Variants in HMGN3 observed in about 807,000 individuals in gnomAD.
HMGN3 encodes the protein high mobility group nucleosomal binding domain 3.
HMGN3 carries 6 observed loss-of-function variants against 18.8 expected under a neutral mutation model. The observed-to-expected ratio is 0.32, with a 90% CI of 0.18 to 0.63. The LOEUF (loss-of-function observed/expected upper bound fraction) is 0.63. Among genes scored for constraint, HMGN3 ranks in the 30% least tolerant of loss-of-function variants. The pLI, the probability that HMGN3 is intolerant of heterozygous loss-of-function variation, is 0.79. For synonymous variants in HMGN3, 40 were observed against 36.5 expected (o/e 1.10, Z -0.35); for missense variants, 107 against 114.2 (o/e 0.94, Z 0.29).
At chr6:79,226,109 G>A (rs185548784) in intron 1 of HMGN3, among the ~76,000 whole-genome samples, 2 of 152,306 alleles carry the variant, frequency 1.3e-5, no homozygotes, top group East Asian at 1.9e-4. Context: ...CAAAATTCCT[G>A]AGTAAAAGAG....
chr6:79,231,223 T>C (rs774407424), intron 1 of HMGN3, among the ~76,000 whole-genome samples: 8 of 152,186 alleles, frequency 5.3e-5, no homozygotes, highest in Non-Finnish European at 1.2e-4. Context: ...GCCAGGACTG[T>C]GACTCTAGGC....
intron 1 of HMGN3, among the ~76,000 whole-genome samples, chr6:79,228,510 C>A (rs1260385794): frequency 1.3e-5 from 2 of 152,170 alleles, no homozygotes; most frequent in African/African-American, 4.8e-5. Context: ...GAAAGCAATT[C>A]TTTCCTAACT....
chr6:79,209,644 G>C (rs904633936), intron 2 of HMGN3, among the ~76,000 whole-genome samples: 1 of 152,122 alleles, frequency 6.6e-6, no homozygotes, highest in South Asian at 2.1e-4. Flanking sequence ...TTCCTAAGGG[G>C]GACAGCAAAA....
intron 1 of HMGN3, among the ~76,000 whole-genome samples, chr6:79,219,312 T>C (rs1472448108): frequency 6.6e-6 from 1 of 152,120 alleles, no homozygotes; most frequent in East Asian, 1.9e-4. Context: ...TTCAAGGAGT[T>C]GAGGAAAACT....
intron 3 of HMGN3, among the ~76,000 whole-genome samples, chr6:79,205,584 T>C (rs1194695517): frequency 2.6e-5 from 4 of 152,254 alleles, no homozygotes; most frequent in African/African-American, 9.6e-5. Flanking sequence ...CTTTTTCTTT[T>C]GTAAATTGTC....
At chr6:79,201,391 T>C (rs1315501799) in exon 6 of HMGN3, 1 of 323,954 alleles carries the variant, frequency 3.1e-6, no homozygotes, top group African/African-American at 2.1e-5. Flanking sequence ...AAAATTCAAA[T>C]ATGCACAGTA....
intron 5 of HMGN3, 48 bp downstream of exon 6, chr6:79,202,015 T>C (rs766831832): frequency 1.7e-5 from 25 of 1,512,614 alleles, no homozygotes; most frequent in Admixed American, 2.2e-5. Context: ...CACTACTATC[T>C]GATTCTAGTC....
intron 1 of HMGN3, among the ~76,000 whole-genome samples, chr6:79,228,807 T>C (rs1375383147): frequency 6.6e-6 from 1 of 152,216 alleles, no homozygotes; most frequent in East Asian, 1.9e-4. Flanking sequence ...CCTCAAGTGA[T>C]CCTCCTGCCT....
intron 3 of HMGN3, among the ~76,000 whole-genome samples, chr6:79,207,879 G>A (rs768465538): frequency 6.6e-6 from 1 of 152,110 alleles, no homozygotes; most frequent in Non-Finnish European, 1.5e-5. Context: ...TGGGCTGCAG[G>A]AATTTTAACC....
At chr6:79,208,288 C>T (rs1294140439) in intron 3 of HMGN3, among the ~76,000 whole-genome samples, 1 of 152,156 alleles carries the variant, frequency 6.6e-6, no homozygotes, top group Non-Finnish European at 1.5e-5. Flanking sequence ...ACTTTTGTTT[C>T]AGAGATCTAG....
chr6:79,202,123 T>C (rs755354886), intron 5 of HMGN3: 1 of 1,549,568 alleles, frequency 6.5e-7, no homozygotes, highest in African/African-American at 1.4e-5. Context: ...CTCTGGAGGT[T>C]GAGACATTAA....
At chr6:79,213,884 T>C (rs1776824182) in intron 2 of HMGN3, among the ~76,000 whole-genome samples, 1 of 152,148 alleles carries the variant, frequency 6.6e-6, no homozygotes, top group Non-Finnish European at 1.5e-5. Context: ...CATGACCCCT[T>C]TTAGTTGATA....
intron 2 of HMGN3, among the ~76,000 whole-genome samples, chr6:79,210,507 C>CT (rs1161350285): frequency 6.6e-6 from 1 of 152,168 alleles, no homozygotes; most frequent in Non-Finnish European, 1.5e-5. Flanking sequence ...GTCTCCATAC[C>CT]TCCTTGCACA....
At chr6:79,202,469 AAC>A in intron 4 of HMGN3, 80 bp from the exon 5 acceptor site, 5 of 1,160,758 alleles carry the variant, frequency 4.3e-6, no homozygotes, top group Non-Finnish European at 6.4e-6. Context: ...CCTCTGTCCA[AAC>A]ACAAGGTGAA....
chr6:79,225,725 A>G (rs1777534288), intron 1 of HMGN3, among the ~76,000 whole-genome samples: 1 of 152,188 alleles, frequency 6.6e-6, no homozygotes, highest in Non-Finnish European at 1.5e-5. Context: ...ACTCTAAACA[A>G]TCAATATTTA....
intron 1 of HMGN3, among the ~76,000 whole-genome samples, chr6:79,231,342 T>C (rs925417364): frequency 1.3e-5 from 2 of 152,176 alleles, no homozygotes; most frequent in East Asian, 1.9e-4. Flanking sequence ...CAATCACTCA[T>C]TGTCTCACCA....
intron 1 of HMGN3, among the ~76,000 whole-genome samples, chr6:79,221,739 G>A (rs756917785): frequency 2.0e-5 from 3 of 152,224 alleles, no homozygotes; most frequent in Admixed American, 2.0e-4. Flanking sequence ...GAAGGACACT[G>A]AGGGAGAGGC....
At chr6:79,206,477 G>A (rs1776425932) in intron 3 of HMGN3, among the ~76,000 whole-genome samples, 1 of 152,212 alleles carries the variant, frequency 6.6e-6, no homozygotes, top group African/African-American at 2.4e-5. Flanking sequence ...AGCTTTGGCA[G>A]CTTCCATGTG....
chr6:79,230,498 A>G (rs1777788510), intron 1 of HMGN3, among the ~76,000 whole-genome samples: 1 of 152,226 alleles, frequency 6.6e-6, no homozygotes, highest in African/African-American at 2.4e-5. Context: ...CTGAGTGTCT[A>G]TATCCCTCAG....
Sources: allele counts gnomAD v4.1 joint callset (sites outside exome capture counted in the v4.1 genomes callset), GRCh38; gene constraint gnomAD v4.1.1; transcripts MANE v1.5; gene names NCBI Gene and HGNC (gene_info 2026-07-23, HGNC 2026-07-21).